IKBKB-DT: variants seen among roughly 807,000 people sequenced by gnomAD.
IKBKB-DT encodes the protein IKBKB antisense RNA.
intron 3 of IKBKB-DT, among the ~76,000 whole-genome samples, chr8:42,235,554 A>G (rs559128297): frequency 6.6e-6 from 1 of 152,236 alleles, no homozygotes; most frequent in East Asian, 1.9e-4. Flanking sequence ...TCTAACAACC[A>G]GATGGCCCCA....
At chr8:42,238,084 G>C (rs896232781) in intron 3 of IKBKB-DT, among the ~76,000 whole-genome samples, 1 of 144,198 alleles carries the variant, frequency 6.9e-6, no homozygotes, top group African/African-American at 2.6e-5. Context: ...GGGTAACAAG[G>C]CTACCCCACA....
chr8:42,261,285 G>A (rs997118568), intron 3 of IKBKB-DT, among the ~76,000 whole-genome samples: 3 of 152,002 alleles, frequency 2.0e-5, no homozygotes, highest in East Asian at 3.9e-4. Flanking sequence ...CCATGATCAC[G>A]CAACTGCACT....
chr8:42,249,090 C>T (rs1247997569), intron 3 of IKBKB-DT: 4 of 151,958 alleles, frequency 2.6e-5, no homozygotes, highest in South Asian at 2.1e-4. Flanking sequence ...TTTATTGGGC[C>T]GGGTGCAGTA....
intron 3 of IKBKB-DT, among the ~76,000 whole-genome samples, chr8:42,254,754 C>A (rs977582062): frequency 6.7e-6 from 1 of 148,594 alleles, no homozygotes; most frequent in Non-Finnish European, 1.5e-5. Flanking sequence ...AAGTGAGGAG[C>A]GCCTCTGCCC....
chr8:42,269,445 G>A (rs866825515), intron 1 of IKBKB-DT, among the ~76,000 whole-genome samples: 2 of 11,666 alleles, frequency 1.7e-4, no homozygotes, highest in Admixed American at 4.7e-4. Context: ...GGAAGCGAGG[G>A]GAGGGGAGGG....
At chr8:42,254,849 C>G (rs1807175485) in intron 3 of IKBKB-DT, among the ~76,000 whole-genome samples, 1 of 149,276 alleles carries the variant, frequency 6.7e-6, no homozygotes, top group South Asian at 2.1e-4. Flanking sequence ...CCCGGCCGCC[C>G]CACAGTCTGG....
Position 42,254,537 on chromosome 8 carries a change from T to C in IKBKB-DT, n.1529+8792A>G, listed in dbSNP as rs113929143. On this transcript the variant is annotated intron_variant and non_coding_transcript_variant, in intron 3 of 3. Coordinates refer to ENST00000518213, the Ensembl canonical transcript of IKBKB-DT. ...GAAGTGAGGAGCCCCTCTGCCCGGC[T>C]GCCAACTGTCTGGGAAGTGAGGAGC... 3.7e-3 allele frequency among the ~76,000 whole-genome samples: 531 copies of C among 145,454 alleles called. 5 individuals carry two copies. The highest frequency in any genetic ancestry group is 0.028 in the Middle Eastern group (7 of 254).
intron 3 of IKBKB-DT, chr8:42,248,983 G>A (rs1488814683): frequency 6.6e-6 from 1 of 152,032 alleles, no homozygotes; most frequent in Non-Finnish European, 1.5e-5. Context: ...GTTCTTTCAA[G>A]CATTCTTTTA....
At chr8:42,262,858 C>T (rs1807310018) in intron 3 of IKBKB-DT, among the ~76,000 whole-genome samples, 1 of 152,100 alleles carries the variant, frequency 6.6e-6, no homozygotes. Flanking sequence ...CCTGCCTCAG[C>T]CTCCTGAGTA....
intron 3 of IKBKB-DT, among the ~76,000 whole-genome samples, chr8:42,260,996 G>A (rs1174447082): frequency 6.6e-6 from 1 of 152,100 alleles, no homozygotes; most frequent in Non-Finnish European, 1.5e-5. Context: ...CACCCCAAGA[G>A]CTGGCAGTGG....
intron 1 of IKBKB-DT, among the ~76,000 whole-genome samples, chr8:42,267,324 A>C (rs1423264098): frequency 1.3e-5 from 2 of 152,084 alleles, no homozygotes; most frequent in African/African-American, 4.8e-5. Context: ...ACTTGCTTTC[A>C]CTTTACTGAC....
chr8:42,235,769 C>T (rs191804156), intron 3 of IKBKB-DT, among the ~76,000 whole-genome samples: 4 of 152,290 alleles, frequency 2.6e-5, no homozygotes, highest in East Asian at 1.9e-4. Flanking sequence ...TCAATTAAAC[C>T]GTCTTTACTG....
rs935829938 is a variant in IKBKB-DT at position 42,249,369 on chromosome 8, A to C, written n.1529+13960T>G. 3 of 151,046 alleles carry C rather than the reference A, an allele frequency of 2.0e-5. No homozygotes were observed. In the East Asian group the frequency reaches 5.8e-4, roughly 29 times the overall value. The allele number at this position is 151,046 out of a possible 1,614,324, so 9.4% of individuals were successfully genotyped here. On this transcript the variant is annotated intron_variant and non_coding_transcript_variant, in intron 3 of 3. Coordinates refer to ENST00000518213, the Ensembl canonical transcript of IKBKB-DT. Reference sequence around the variant, plus strand: ...GGGCGACAGAGCAGGCCCCTGTTTCAAAAAAAAAGACAAAATATCCCTATA... The same window carrying C: ...GGGCGACAGAGCAGGCCCCTGTTTCCAAAAAAAAGACAAAATATCCCTATA...
intron 1 of IKBKB-DT, among the ~76,000 whole-genome samples, chr8:42,268,650 T>A (rs1807410550): frequency 6.6e-6 from 1 of 151,258 alleles, no homozygotes; most frequent in South Asian, 2.1e-4. Flanking sequence ...CACTGCAACC[T>A]CCAGCTCCTG....
intron 3 of IKBKB-DT, among the ~76,000 whole-genome samples, chr8:42,239,532 C>T (rs930878615): frequency 6.8e-6 from 1 of 147,280 alleles, no homozygotes; most frequent in Non-Finnish European, 1.5e-5. Context: ...TGAGGCCCAA[C>T]AACAGTGTAT....
At chr8:42,243,171 T>G (rs1054200371) in intron 3 of IKBKB-DT, among the ~76,000 whole-genome samples, 2 of 152,156 alleles carry the variant, frequency 1.3e-5, no homozygotes, top group African/African-American at 4.8e-5. Flanking sequence ...AGAAATGGGT[T>G]GTAAAAGTGG....
At chr8:42,246,138 G>A (rs1039386079) in intron 3 of IKBKB-DT, among the ~76,000 whole-genome samples, 11 of 152,158 alleles carry the variant, frequency 7.2e-5, no homozygotes, top group Admixed American at 2.6e-4. Flanking sequence ...CCAGGCTCAG[G>A]CAATCCTCCC....
At chr8:42,236,613 C>T (rs1014017114) in intron 3 of IKBKB-DT, among the ~76,000 whole-genome samples, 3 of 152,078 alleles carry the variant, frequency 2.0e-5, no homozygotes, top group Admixed American at 6.6e-5. Flanking sequence ...AAAAATTAGC[C>T]GGGCGTGGTG....
At chr8:42,239,614 T>TTATATATGTATATATATATATATATA (rs1806972378) in intron 3 of IKBKB-DT, among the ~76,000 whole-genome samples, 1 of 19,910 alleles carries the variant, frequency 5.0e-5, no homozygotes, top group Non-Finnish European at 1.1e-4. Context: ...AAAAGGCAAT[T>TTATATATGTATATATATATATATATA]TATATATATA....
Sources: allele counts gnomAD v4.1 joint callset (sites outside exome capture counted in the v4.1 genomes callset), GRCh38; gene constraint gnomAD v4.1.1; transcripts MANE v1.5; gene names NCBI Gene and HGNC (gene_info 2026-07-23, HGNC 2026-07-21).